Variants in PBRM1 observed in about 807,000 individuals in gnomAD.
PBRM1 encodes the protein polybromo 1.
A neutral mutation model predicts 194.5 loss-of-function variants in PBRM1; 27 were observed. That is an observed-to-expected ratio of 0.14 (90% CI 0.10 to 0.19). The LOEUF (loss-of-function observed/expected upper bound fraction) is 0.19. PBRM1 is among the 10% of genes least tolerant of loss of function. The pLI, the probability that PBRM1 is intolerant of heterozygous loss-of-function variation, is 1.00. For missense variants in PBRM1, 1,466 were observed against 2,077.2 expected (o/e 0.71, Z 5.72); for synonymous variants, 655 against 693.2 (o/e 0.94, Z 0.87).
At chr3:52,644,196 G>A (rs1046469199) in intron 8 of PBRM1, among the ~76,000 whole-genome samples, 3 of 151,926 alleles carry the variant, frequency 2.0e-5, no homozygotes, top group Non-Finnish European at 4.4e-5. Flanking sequence ...ATATAGTGAT[G>A]TAAAGTTTTA....
At chr3:52,624,754 T>A in intron 13 of PBRM1, 143 bp downstream of exon 15, 2 of 630,524 alleles carry the variant, frequency 3.2e-6, no homozygotes, top group East Asian at 5.5e-5. Context: ...TGTACTGCTT[T>A]CTTTATTCAT....
In PBRM1 at chr3:52,648,341, A is replaced by C; in HGVS notation, c.813+3T>G. 6.4e-7 allele frequency: 1 copy of C among 1,558,810 alleles called. No individual in the cohort carries two copies. Among genetic ancestry groups the C allele is most frequent in the Middle Eastern group, 1.7e-4 (1 of 5,934 alleles). On this transcript the variant is annotated splice_donor_region_variant and intron_variant, in intron 7 of 29. Transcript: ENST00000296302. ...CAACAACAACAACAACAACAAAACTAACCTTGAATACTTGAGAGCCAGGCT... is the reference window on the plus strand; with the variant it reads ...CAACAACAACAACAACAACAAAACTCACCTTGAATACTTGAGAGCCAGGCT...
In PBRM1 at chr3:52,609,833, T is replaced by A. The variant is rs745815678; in HGVS notation, c.2047A>T (p.Ile683Leu). The change falls in exon 16 of 30, where the codon ATA (isoleucine) becomes TTA (leucine). Residue 683 changes from isoleucine to leucine, a missense_variant. By Grantham distance (5) the Ile-to-Leu change is conservative (BLOSUM62 2). Transcript: ENST00000296302. This position sits in a 1 kb window ranked among gnomAD's most constrained non-coding sequence, Gnocchi z 4.1. ...GATCTAGAGGGAAGCCTCAGAAATATGGCACTGAGGCGGCGACCCCTCTTA... is the reference window on the plus strand; with the variant it reads ...GATCTAGAGGGAAGCCTCAGAAATAAGGCACTGAGGCGGCGACCCCTCTTA... 1 of 1,613,628 alleles carries A rather than the reference T, an allele frequency of 6.2e-7. No individual in the cohort carries two copies.
chr3:52,562,944 G>A (rs923256680), intron 24 of PBRM1, among the ~76,000 whole-genome samples: 6 of 152,062 alleles, frequency 3.9e-5, no homozygotes, highest in Non-Finnish European at 5.9e-5. Context: ...GGTAATAAAA[G>A]CTAAAGACAA....
intron 2 of PBRM1, among the ~76,000 whole-genome samples, chr3:52,674,740 T>C (rs2097058188): frequency 6.7e-6 from 1 of 149,218 alleles, no homozygotes; most frequent in South Asian, 2.1e-4. Flanking sequence ...TAGCGTTAGG[T>C]AAGAATCCAG....
chr3:52,646,525 A>ATGGAT (rs2096293099), intron 7 of PBRM1, among the ~76,000 whole-genome samples: 1 of 152,210 alleles, frequency 6.6e-6, no homozygotes, highest in South Asian at 2.1e-4. Flanking sequence ...TTCAAAACTA[A>ATGGAT]CCAAGTCTGG....
chr3:52,552,715 G>C (rs1289866889), intron 27 of PBRM1, among the ~76,000 whole-genome samples: 2 of 152,150 alleles, frequency 1.3e-5, no homozygotes, highest in African/African-American at 4.8e-5. Flanking sequence ...ACTGGCATTA[G>C]ACATGGATCC....
chr3:52,648,197 G>T, intron 7 of PBRM1, 147 bp downstream of exon 8: 1 of 544,416 alleles, frequency 1.8e-6, no homozygotes, highest in South Asian at 2.7e-5. Flanking sequence ...GTGAGCCACT[G>T]CGCCCAGCCT....
chr3:52,599,399 G>C (rs1371313601), intron 17 of PBRM1, among the ~76,000 whole-genome samples: 2 of 152,038 alleles, frequency 1.3e-5, no homozygotes, highest in Admixed American at 1.3e-4. Context: ...TAGTACTATT[G>C]AACACTAGTA....
chr3:52,642,608 C>CAA (rs201394004), intron 9 of PBRM1, among the ~76,000 whole-genome samples: 26 of 97,466 alleles, frequency 2.7e-4, no homozygotes, highest in South Asian at 8.2e-4. Flanking sequence ...AACTTCGTCT[C>CAA]AAAAAAAAAA....
chr3:52,553,100 C>G (rs2081360771), intron 27 of PBRM1, among the ~76,000 whole-genome samples: 1 of 152,224 alleles, frequency 6.6e-6, no homozygotes, highest in African/African-American at 2.4e-5. Context: ...AACCCTATCA[C>G]TGGTAGGTCC....
At chr3:52,567,708 C>T (rs530262153) in intron 22 of PBRM1, among the ~76,000 whole-genome samples, 27 of 151,508 alleles carry the variant, frequency 1.8e-4, no homozygotes, top group Admixed American at 5.9e-4. Flanking sequence ...CTCAGCTCAC[C>T]GCAGCCTCTG....
chr3:52,565,136 T>G (rs1234625287), intron 22 of PBRM1, among the ~76,000 whole-genome samples: 4 of 144,364 alleles, frequency 2.8e-5, no homozygotes, highest in African/African-American at 5.2e-5. Flanking sequence ...AAGGCGGAGG[T>G]TGCAGAGAGC....
intron 16 of PBRM1, among the ~76,000 whole-genome samples, chr3:52,605,633 G>A (rs1381287141): frequency 2.1e-5 from 3 of 145,204 alleles, no homozygotes; most frequent in South Asian, 2.2e-4. Context: ...ATGGAGTTTC[G>A]TTCTTGTTGC....
intron 17 of PBRM1, among the ~76,000 whole-genome samples, chr3:52,601,045 ATAT>A (rs1253204767): frequency 6.6e-6 from 1 of 152,082 alleles, no homozygotes; most frequent in Non-Finnish European, 1.5e-5. Flanking sequence ...ACTTACATTG[ATAT>A]TATATGTGTG....
intron 5 of PBRM1, among the ~76,000 whole-genome samples, chr3:52,653,310 C>A (rs1359624392): frequency 6.6e-6 from 1 of 152,164 alleles, no homozygotes; most frequent in East Asian, 1.9e-4. Flanking sequence ...TGAAGCACGG[C>A]TGGGCATGGT....
chr3:52,583,448 T>C (rs2091791486), intron 20 of PBRM1, among the ~76,000 whole-genome samples: 1 of 151,954 alleles, frequency 6.6e-6, no homozygotes, highest in Non-Finnish European at 1.5e-5. Context: ...GAGAAAAGTG[T>C]GTGTGGTCTC....
chr3:52,582,333 TAC>T (rs1320634909), intron 20 of PBRM1, among the ~76,000 whole-genome samples: 1 of 151,454 alleles, frequency 6.6e-6, no homozygotes, highest in African/African-American at 2.4e-5. Context: ...GTAACTCATA[TAC>T]AGAGAGTTCC....
At chr3:52,556,618 CAT>C (rs961307828) in intron 26 of PBRM1, among the ~76,000 whole-genome samples, 1 of 152,222 alleles carries the variant, frequency 6.6e-6, no homozygotes, top group Non-Finnish European at 1.5e-5. Context: ...ATCCCAGTCA[CAT>C]GTGTTCAAAT....
Sources: gnomAD v4.1 joint callset for allele counts (sites outside exome capture counted in the v4.1 genomes callset) on GRCh38, gnomAD v4.1.1 for gene constraint, Gnocchi (gnomAD v3.1) non-coding constraint, MANE v1.5 for transcripts, NCBI Gene and HGNC (gene_info 2026-07-23, HGNC 2026-07-21) for gene names.